The following KCNQ3 variants were observed in gnomAD, a reference collection of about 807,000 sequenced individuals.
The protein encoded by KCNQ3 is potassium voltage-gated channel subfamily Q member 3.
Under a neutral mutation model 92.5 loss-of-function variants are expected in KCNQ3, and 30 were observed. The ratio of observed to expected loss-of-function variants is 0.32; its 90% CI spans 0.24 to 0.44. The LOEUF (loss-of-function observed/expected upper bound fraction) is 0.44, where lower values mean the gene tolerates loss of function less well. Ranked by LOEUF, KCNQ3 falls within the 20% of genes least tolerant of loss-of-function variation. The pLI is 1.00. For synonymous variants in KCNQ3, 450 were observed against 468.8 expected (o/e 0.96, Z 0.52); for missense variants, 913 against 1,140.3 (o/e 0.80, Z 2.87).
intron 1 of KCNQ3, among the ~76,000 whole-genome samples, chr8:132,313,740 G>A (rs1817664186): frequency 1.3e-5 from 2 of 152,112 alleles, no homozygotes; most frequent in African/African-American, 4.8e-5. Context: ...GAAAAATATA[G>A]TCAGAATAAT....
chr8:132,123,705 G>A lies in KCNQ3; in HGVS notation c.*5557C>T, dbSNP rs1824569297. ...GACGTGGTGTGATGTTCTTTGCTCTGAGCTTCTGCTTCTTGATCTAAAAAG... is the reference window on the plus strand; with the variant it reads ...GACGTGGTGTGATGTTCTTTGCTCTAAGCTTCTGCTTCTTGATCTAAAAAG... On this transcript the variant is annotated 3_prime_UTR_variant, in exon 15 of 15. Transcript: ENST00000388996. 1 of 152,174 alleles carries A rather than the reference G, an allele frequency of 6.6e-6. No homozygotes were observed. Among genetic ancestry groups the A allele is most frequent in the African/African-American group, 2.4e-5 (1 of 41,432 alleles). 9.4% of individuals were successfully genotyped at this position (152,174 alleles called of 1,614,324 possible). A position where few individuals can be genotyped will look rare whatever the true frequency, so the allele number is the denominator to read the frequency against.
chr8:132,470,703 GTTA>G (rs1472478057), intron 1 of KCNQ3, among the ~76,000 whole-genome samples: 1 of 152,100 alleles, frequency 6.6e-6, no homozygotes, highest in Non-Finnish European at 1.5e-5. Flanking sequence ...AATGTCCCCT[GTTA>G]TTTATTTTTT....
intron 1 of KCNQ3, among the ~76,000 whole-genome samples, chr8:132,322,181 T>C (rs142935635): frequency 6.6e-6 from 1 of 152,288 alleles, no homozygotes; most frequent in Non-Finnish European, 1.5e-5. Context: ...CTTCAACGAA[T>C]AACAGAGAGG....
chr8:132,393,356 C>T (rs1219585494), intron 1 of KCNQ3, among the ~76,000 whole-genome samples: 2 of 152,200 alleles, frequency 1.3e-5, no homozygotes, highest in African/African-American at 2.4e-5. Context: ...TAGAAAAAGG[C>T]TAGAGAGTAA....
At chr8:132,162,287 G>T (rs1410204779) in intron 9 of KCNQ3, among the ~76,000 whole-genome samples, 3 of 152,208 alleles carry the variant, frequency 2.0e-5, no homozygotes, top group Non-Finnish European at 4.4e-5. Flanking sequence ...TCTAAAGGTA[G>T]ATTTAATAAT....
intron 1 of KCNQ3, among the ~76,000 whole-genome samples, chr8:132,273,437 A>T (rs1191547451): frequency 6.6e-6 from 1 of 152,004 alleles, no homozygotes; most frequent in East Asian, 1.9e-4. Flanking sequence ...CAGCATGGGG[A>T]CCCTGGGCCC....
intron 1 of KCNQ3, among the ~76,000 whole-genome samples, chr8:132,365,172 C>T (rs949490926): frequency 3.9e-5 from 6 of 152,168 alleles, no homozygotes; most frequent in Non-Finnish European, 5.9e-5. Flanking sequence ...AGACTAGCCA[C>T]AGTGAGAGCA....
intron 1 of KCNQ3, among the ~76,000 whole-genome samples, chr8:132,322,298 CAG>C (rs1438269264): frequency 6.6e-6 from 1 of 152,090 alleles, no homozygotes; most frequent in Non-Finnish European, 1.5e-5. Flanking sequence ...GCAAATGCCC[CAG>C]AGAGTCATTT....
chr8:132,139,846 T>C lies in KCNQ3; in HGVS notation c.1568+230A>G, dbSNP rs78352720. Among the ~76,000 whole-genome samples, 1,164 of 152,208 alleles carry C rather than the reference T, an allele frequency of 7.6e-3. 19 individuals carry two copies. The highest frequency in any genetic ancestry group is 0.026 in the African/African-American group (1,092 of 41,536). ...TCAGGAGGGCTGTGGGGCGTGTTTA[T>C]AACAAGGCAGGTACCTACGAGTCAC... On this transcript the variant is annotated intron_variant, in intron 11 of 14. Transcript: ENST00000388996.
At chr8:132,218,774 C>A (rs1814123724) in intron 1 of KCNQ3, among the ~76,000 whole-genome samples, 1 of 152,110 alleles carries the variant, frequency 6.6e-6, no homozygotes, top group African/African-American at 2.4e-5. Flanking sequence ...AATCTTTTCT[C>A]TGCTTCCAAA....
At chr8:132,226,379 A>T (rs900275120) in intron 1 of KCNQ3, among the ~76,000 whole-genome samples, 14 of 152,154 alleles carry the variant, frequency 9.2e-5, no homozygotes, top group Non-Finnish European at 2.9e-5. Context: ...GCTGATGGAA[A>T]AAGGTGTATA....
intron 1 of KCNQ3, among the ~76,000 whole-genome samples, chr8:132,241,515 C>T (rs1017186158): frequency 6.6e-6 from 1 of 151,454 alleles, no homozygotes; most frequent in Non-Finnish European, 1.5e-5. Context: ...TTATTATTAT[C>T]TATTGCCTAC....
Position 132,378,162 on chromosome 8 carries a change from G to A in KCNQ3, c.386+101985C>T, listed in dbSNP as rs563448324. On this transcript the variant is annotated intron_variant, in intron 1 of 14. Coordinates refer to ENST00000388996, the MANE Select transcript of KCNQ3 (RefSeq NM_004519.4). ...AAATCCCAGCACTTTGGGAGGCCAC[G>A]GTGGGTGGATCGTTGGAGGTTTGGA... Among the ~76,000 whole-genome samples, 9 of 152,284 alleles carry A rather than the reference G, an allele frequency of 5.9e-5. No homozygotes were observed. In the East Asian group the frequency reaches 7.7e-4, roughly 13 times the overall value.
In KCNQ3 at chr8:132,127,016, G is replaced by A. The variant is rs1451241393; in HGVS notation, c.*2246C>T. 1.3e-5 allele frequency: 2 copies of A among 152,144 alleles called. No homozygotes were observed. Among genetic ancestry groups the A allele is most frequent in the Non-Finnish European group, 2.9e-5 (2 of 68,028 alleles). The allele number at this position is 152,144 out of a possible 1,614,324, so 9.4% of individuals were successfully genotyped here. ...ATAAAGAAGAGCATAGTAACATGTT[G>A]GATGTTAGGCAGGTGATCATCTCAA... is the stretch of plus-strand genomic sequence containing the variant. On this transcript the variant is annotated 3_prime_UTR_variant, in exon 15 of 15. Coordinates refer to ENST00000388996, the MANE Select transcript of KCNQ3 (RefSeq NM_004519.4).
intron 1 of KCNQ3, among the ~76,000 whole-genome samples, chr8:132,246,937 A>G (rs1248563223): frequency 1.3e-5 from 2 of 152,216 alleles, no homozygotes; most frequent in Non-Finnish European, 2.9e-5. Context: ...CCCATCATAA[A>G]GTTCATGTAA....
At chr8:132,281,455 C>T (rs1020122851) in intron 1 of KCNQ3, among the ~76,000 whole-genome samples, 1 of 151,828 alleles carries the variant, frequency 6.6e-6, no homozygotes, top group Admixed American at 6.6e-5. Context: ...AATATATATA[C>T]ACATACACAT....
At chr8:132,350,362 A>G (rs1041303280) in intron 1 of KCNQ3, among the ~76,000 whole-genome samples, 3 of 152,302 alleles carry the variant, frequency 2.0e-5, no homozygotes, top group East Asian at 1.9e-4. Flanking sequence ...TGCCACTGCC[A>G]AATGTTTCAG....
intron 1 of KCNQ3, among the ~76,000 whole-genome samples, chr8:132,452,601 C>T (rs574502132): frequency 1.3e-5 from 2 of 152,306 alleles, no homozygotes; most frequent in Middle Eastern, 3.4e-3. Context: ...ATTACTCCTT[C>T]CACTGGCCAA....
intron 1 of KCNQ3, among the ~76,000 whole-genome samples, chr8:132,454,326 G>A (rs527846455): frequency 1.3e-4 from 20 of 152,258 alleles, no homozygotes; most frequent in African/African-American, 2.6e-4. Context: ...ACTCTCTCAC[G>A]TCCACAACAG....
Sources: gnomAD v4.1 joint callset for allele counts (sites outside exome capture counted in the v4.1 genomes callset) on GRCh38, gnomAD v4.1.1 for gene constraint, MANE v1.5 for transcripts, NCBI Gene and HGNC (gene_info 2026-07-23, HGNC 2026-07-21) for gene names.